Variants in TRPM3 observed in about 807,000 individuals in gnomAD.
TRPM3 encodes the protein long transient receptor potential channel 3.
Under a neutral mutation model 181.2 loss-of-function variants are expected in TRPM3, and 77 were observed. The observed-to-expected ratio is 0.42, with a 90% CI of 0.35 to 0.51. The LOEUF (loss-of-function observed/expected upper bound fraction) is 0.51, where lower values mean the gene tolerates loss of function less well. TRPM3 is among the 20% of genes least tolerant of loss of function. TRPM3 has a pLI of 0.01. For missense variants in TRPM3, 1,759 were observed against 2,196.7 expected (o/e 0.80, Z 3.98); for synonymous variants, 745 against 796.4 (o/e 0.94, Z 1.09).
In TRPM3 at chr9:70,535,861, G is replaced by T; in HGVS notation, c.*92C>A. ...CTTGTTTTGCTCAGCTAAGAATAAA[G>T]CAGGTATGATTCAAGGAAAGGGGAA... On this transcript the variant is annotated 3_prime_UTR_variant, in exon 26 of 26. Transcript: ENST00000677713. 6.6e-7 allele frequency: 1 copy of T among 1,518,120 alleles called. No homozygotes were observed. The highest frequency in any genetic ancestry group is 1.3e-5 in the South Asian group (1 of 74,488). The allele number at this position is 1,518,120 out of a possible 1,614,324, so 94.0% of individuals were successfully genotyped here. A position where few individuals can be genotyped will look rare whatever the true frequency, so the allele number is the denominator to read the frequency against.
At chr9:70,619,945 C>T (rs775253045) in intron 16 of TRPM3, 131 bp downstream of exon 16, 1 of 827,188 alleles carries the variant, frequency 1.2e-6, no homozygotes, top group East Asian at 2.6e-5. Flanking sequence ...TTGTTTGTGT[C>T]CATCCTGTGT....
In TRPM3 at chr9:71,220,784, C is replaced by T. The variant is rs909118724; in HGVS notation, c.183+225869G>A. On this transcript the variant is annotated intron_variant, in intron 1 of 24. Transcript: ENST00000357533. ...GATACAAAGTCTACACACGAAAATA[C>T]CTGACCACCCTCCAAAGAGCGCTCC... Among the ~76,000 whole-genome samples, 3 of 152,234 alleles carry T rather than the reference C, an allele frequency of 2.0e-5. No individual in the cohort carries two copies. The East Asian group carries it at 5.8e-4, about 29-fold the overall frequency.
At chr9:70,600,826 T>C (rs1441419104) in intron 20 of TRPM3, among the ~76,000 whole-genome samples, 3 of 152,200 alleles carry the variant, frequency 2.0e-5, no homozygotes, top group African/African-American at 7.2e-5. Flanking sequence ...TTCCAACCCT[T>C]TGCTCACACT....
At chr9:71,012,407 GT>G (rs11449061) in intron 1 of TRPM3, among the ~76,000 whole-genome samples, 94 of 140,652 alleles carry the variant, frequency 6.7e-4, no homozygotes, top group East Asian at 1.0e-3. Context: ...CTTTATAGTT[GT>G]TTTTTTTTTT....
chr9:70,869,889 T>A (rs10511991), intron 1 of TRPM3, among the ~76,000 whole-genome samples: 35,112 of 151,982 alleles, frequency 0.23, 4,634 homozygotes, highest in Admixed American at 0.28. Context: ...TCATATATCA[T>A]CCAAGAGTGA....
At chr9:70,997,240 C>G (rs536400603) in intron 1 of TRPM3, among the ~76,000 whole-genome samples, 2 of 152,232 alleles carry the variant, frequency 1.3e-5, no homozygotes, top group South Asian at 4.1e-4. Flanking sequence ...GCTCTGTCAT[C>G]CAGGCTGGAG....
At chr9:71,342,472 CT>C (rs2091024912) in intron 1 of TRPM3, among the ~76,000 whole-genome samples, 1 of 151,258 alleles carries the variant, frequency 6.6e-6, no homozygotes, top group Non-Finnish European at 1.5e-5. Context: ...TATTATACAG[CT>C]ATAAAAAGTA....
intron 1 of TRPM3, among the ~76,000 whole-genome samples, chr9:70,892,535 T>C (rs992400223): frequency 2.0e-5 from 3 of 151,516 alleles, no homozygotes; most frequent in African/African-American, 7.3e-5. Flanking sequence ...TTTTATACTT[T>C]TGGAGAGAAA....
intron 1 of TRPM3, among the ~76,000 whole-genome samples, chr9:71,408,616 A>G (rs2131431224): frequency 6.6e-6 from 1 of 152,354 alleles, no homozygotes; most frequent in East Asian, 1.9e-4. Flanking sequence ...AAAAGACCAA[A>G]TCTACGTTTG....
chr9:70,619,146 T>C (rs776921772), intron 16 of TRPM3, 51 bp from the exon 17 acceptor site: 5 of 1,525,758 alleles, frequency 3.3e-6, no homozygotes, highest in Middle Eastern at 1.7e-4. Flanking sequence ...TGGAGACTTA[T>C]AAGGTAAAAG....
intron 1 of TRPM3, among the ~76,000 whole-genome samples, chr9:71,229,216 G>A (rs1009435256): frequency 1.3e-5 from 2 of 152,070 alleles, no homozygotes; most frequent in African/African-American, 2.4e-5. Flanking sequence ...ATGCATTGGG[G>A]AATGACATTC....
At chr9:71,280,555 TGA>T (rs1427719364) in intron 1 of TRPM3, among the ~76,000 whole-genome samples, 1 of 152,100 alleles carries the variant, frequency 6.6e-6, no homozygotes, top group Admixed American at 6.6e-5. Flanking sequence ...CCTGGATTTT[TGA>T]GAGAGGATTT....
intron 1 of TRPM3, among the ~76,000 whole-genome samples, chr9:71,410,424 A>G (rs1462271596): frequency 9.9e-5 from 15 of 152,176 alleles, no homozygotes; most frequent in Non-Finnish European, 2.1e-4. Flanking sequence ...AATAAAGGGG[A>G]TATCACCACC....
chr9:71,364,090 G>A (rs1327616405), intron 1 of TRPM3, among the ~76,000 whole-genome samples: 2 of 152,022 alleles, frequency 1.3e-5, no homozygotes, highest in Non-Finnish European at 2.9e-5. Context: ...TCACAATAGG[G>A]TGATGAGAGA....
intron 1 of TRPM3, among the ~76,000 whole-genome samples, chr9:71,315,008 G>A (rs1588447382): frequency 1.3e-5 from 2 of 152,220 alleles, no homozygotes; most frequent in East Asian, 3.9e-4. Flanking sequence ...AAGGTTCTTG[G>A]CCACACTAAG....
At chr9:71,066,606 T>C (rs1201959551) in intron 1 of TRPM3, among the ~76,000 whole-genome samples, 1 of 152,128 alleles carries the variant, frequency 6.6e-6, no homozygotes, top group Non-Finnish European at 1.5e-5. Context: ...ATATACAGAG[T>C]GGGGTCACAT....
At chr9:71,263,916 A>G (rs546731412) in intron 1 of TRPM3, among the ~76,000 whole-genome samples, 8 of 152,242 alleles carry the variant, frequency 5.3e-5, no homozygotes, top group African/African-American at 1.9e-4. Flanking sequence ...AGCAGCTGGG[A>G]CCACAGGTGC....
chr9:71,186,102 A>G (rs2077662106), intron 1 of TRPM3, among the ~76,000 whole-genome samples: 2 of 152,004 alleles, frequency 1.3e-5, no homozygotes, highest in African/African-American at 4.8e-5. Flanking sequence ...TCCTCCACAT[A>G]GCATTCACCT....
chr9:70,815,746 G>T (rs1328946101), intron 6 of TRPM3, among the ~76,000 whole-genome samples: 2 of 152,028 alleles, frequency 1.3e-5, no homozygotes, highest in Non-Finnish European at 2.9e-5. Context: ...TATTTTCTTT[G>T]CATTGCCACT....
Sources: allele counts gnomAD v4.1 joint callset (sites outside exome capture counted in the v4.1 genomes callset), GRCh38; gene constraint gnomAD v4.1.1; transcripts MANE v1.5; gene names NCBI Gene and HGNC (gene_info 2026-07-23, HGNC 2026-07-21).